PCDHA5: variants seen among roughly 807,000 people sequenced by gnomAD.
PCDHA5 encodes the protein protocadherin alpha-5.
In PCDHA5, 43 loss-of-function variants were observed where a neutral mutation model predicts 61.6. That is an observed-to-expected ratio of 0.70 (90% CI 0.55 to 0.90). The LOEUF is 0.90. Among genes scored for constraint, PCDHA5 ranks in the 40% least tolerant of loss-of-function variants. The probability of loss-of-function intolerance (pLI) is 0.00; values close to 1 mark genes in which losing one functional copy is unlikely to be tolerated. For missense variants in PCDHA5, 1,298 were observed against 1,222.7 expected (o/e 1.06, Z -0.92); for synonymous variants, 627 against 543.9 (o/e 1.15, Z -2.13).
At chr5:140,967,046 C>T in intron 1 of PCDHA5, 1 of 1,612,334 alleles carries the variant, frequency 6.2e-7, no homozygotes, top group African/African-American at 1.3e-5. Context: ...GGAGCTGGAC[C>T]TGACGAGTGG....
At chr5:140,954,948 G>A (rs1163066790) in intron 1 of PCDHA5, among the ~76,000 whole-genome samples, 2 of 152,204 alleles carry the variant, frequency 1.3e-5, no homozygotes, top group Non-Finnish European at 1.5e-5. Flanking sequence ...GTTAATTTTT[G>A]TATAAGATGT....
At chr5:140,946,588 A>G (rs2093966025) in intron 1 of PCDHA5, among the ~76,000 whole-genome samples, 1 of 147,134 alleles carries the variant, frequency 6.8e-6, no homozygotes, top group South Asian at 2.1e-4. Context: ...TTCATAGTGG[A>G]TGAATAGATA....
At chr5:140,889,156 G>T in intron 1 of PCDHA5, among the ~76,000 whole-genome samples, 1 of 150,034 alleles carries the variant, frequency 6.7e-6, no homozygotes, top group Admixed American at 6.6e-5. Flanking sequence ...TTTCTTCTTT[G>T]TTAAGTATTC....
At chr5:140,963,206 AC>A (rs145404740) in intron 1 of PCDHA5, among the ~76,000 whole-genome samples, 1,595 of 152,188 alleles carry the variant, frequency 0.01, 28 homozygotes, top group African/African-American at 0.037. Context: ...GAAAAAAAAA[AC>A]CTCGTGTTTA....
At chr5:140,985,083 G>A (rs782261438) in intron 3 of PCDHA5, among the ~76,000 whole-genome samples, 5 of 152,158 alleles carry the variant, frequency 3.3e-5, no homozygotes, top group East Asian at 1.9e-4. Context: ...GACTACAGGC[G>A]TGTGCCACCA....
At chr5:140,858,653 TTTTAAATAACAATTTATTCTGAATACAC>T in intron 1 of PCDHA5, 1 of 816,482 alleles carries the variant, frequency 1.2e-6, no homozygotes, top group Non-Finnish European at 1.9e-6. Flanking sequence ...ACTTAAATTT[TTTTAAATAACAATTTATTCTGAATACAC>T]TAATATTTTC....
intron 1 of PCDHA5, among the ~76,000 whole-genome samples, chr5:140,912,746 A>G (rs1322674627): frequency 6.6e-6 from 1 of 152,200 alleles, no homozygotes; most frequent in Admixed American, 6.5e-5. Flanking sequence ...TGGGTCTGTC[A>G]TAGATGGCTT....
intron 1 of PCDHA5, among the ~76,000 whole-genome samples, chr5:140,953,431 G>A (rs782512202): frequency 6.6e-5 from 10 of 152,088 alleles, no homozygotes; most frequent in Non-Finnish European, 1.2e-4. Flanking sequence ...TTGTCCTTAA[G>A]CTGGAGAAAC....
At chr5:140,989,747 G>A (rs1554251066) in intron 3 of PCDHA5, among the ~76,000 whole-genome samples, 1 of 152,166 alleles carries the variant, frequency 6.6e-6, no homozygotes, top group African/African-American at 2.4e-5. Flanking sequence ...TGCCTAATCT[G>A]GAGAAACATA....
At chr5:140,928,007 A>G in intron 1 of PCDHA5, 3 of 1,614,116 alleles carry the variant, frequency 1.9e-6, no homozygotes, top group Non-Finnish European at 2.5e-6. Context: ...CTCGATTCTA[A>G]TGGTAGGGTC....
At chr5:140,892,013 C>T (rs2063353338) in intron 1 of PCDHA5, among the ~76,000 whole-genome samples, 1 of 152,206 alleles carries the variant, frequency 6.6e-6, no homozygotes, top group South Asian at 2.1e-4. Context: ...GTTATAGCAG[C>T]ACAAATGGTC....
intron 1 of PCDHA5, among the ~76,000 whole-genome samples, chr5:140,902,203 C>CTTTT (rs148688132): frequency 2.0e-4 from 25 of 124,426 alleles, no homozygotes; most frequent in African/African-American, 2.5e-4. Flanking sequence ...CTCTCTCTTT[C>CTTTT]TTTTTTTTTT....
chr5:140,980,933 C>G (rs1376814777), intron 2 of PCDHA5, among the ~76,000 whole-genome samples: 1 of 152,120 alleles, frequency 6.6e-6, no homozygotes, highest in African/African-American at 2.4e-5. Flanking sequence ...CTGCTTTGAG[C>G]TGAGCTGGCT....
intron 1 of PCDHA5, among the ~76,000 whole-genome samples, chr5:140,972,660 ATTTTTTTT>A (rs11350929): frequency 6.0e-5 from 7 of 117,270 alleles, no homozygotes; most frequent in African/African-American, 2.0e-4. Flanking sequence ...AAGAAACCAA[ATTTTTTTT>A]TTTTTTTTTT....
At chr5:140,852,795 A>C in intron 1 of PCDHA5, 1 of 977,366 alleles carries the variant, frequency 1.0e-6, no homozygotes, top group African/African-American at 1.8e-5. Context: ...GATGCTACAG[A>C]TGTCATTTGT....
intron 1 of PCDHA5, among the ~76,000 whole-genome samples, chr5:140,839,019 G>A (rs1394721397): frequency 6.6e-6 from 1 of 151,970 alleles, no homozygotes; most frequent in African/African-American, 2.4e-5. Flanking sequence ...AATTATTTTA[G>A]GATATGTTAC....
At chr5:140,897,298 G>A (rs1372345306) in intron 1 of PCDHA5, among the ~76,000 whole-genome samples, 18 of 150,818 alleles carry the variant, frequency 1.2e-4, no homozygotes, top group Non-Finnish European at 1.8e-4. Flanking sequence ...TCGTCATTTA[G>A]CATTAGGTAT....
At position 140,852,587 on chromosome 5, in the gene PCDHA5, T is replaced by A. The variant is rs2150519180; in HGVS notation, c.2352+28460T>A. The stretch of plus-strand genomic sequence containing the variant: ...CACTGTGCCAAGGCTTTTTTATTTT[T>A]TTTTTTTGTCATTTTCTTTCAAAAC... On this transcript the variant is annotated intron_variant, in intron 1 of 3. Coordinates refer to ENST00000529859, the MANE Select transcript of PCDHA5 (RefSeq NM_018908.3). 5.8e-4 allele frequency: 511 copies of A among 881,870 alleles called. 32 individuals carry two copies. Among genetic ancestry groups the A allele is most frequent in the Admixed American group, 7.6e-4 (12 of 15,710 alleles). 54.6% of individuals were successfully genotyped at this position (881,870 alleles called of 1,614,324 possible).
chr5:140,949,656 GT>G (rs782242887), intron 1 of PCDHA5, among the ~76,000 whole-genome samples: 5 of 151,274 alleles, frequency 3.3e-5, no homozygotes, highest in Non-Finnish European at 7.4e-5. Context: ...TTTTACTTTT[GT>G]TTCTTTAAAG....
Sources: gnomAD v4.1 joint callset for allele counts (sites outside exome capture counted in the v4.1 genomes callset) on GRCh38, gnomAD v4.1.1 for gene constraint, MANE v1.5 for transcripts, NCBI Gene and HGNC (gene_info 2026-07-23, HGNC 2026-07-21) for gene names.